The following NHERF1 variants were observed in gnomAD, a reference collection of about 807,000 sequenced individuals.
NHERF1 encodes the protein Na(+)/H(+) exchange regulatory cofactor NHE-RF1.
chr17:74,748,897 G>A, the NHERF1 span: 1 of 1,599,206 alleles, frequency 6.3e-7, no homozygotes, highest in Non-Finnish European at 8.5e-7. This position sits in a 1 kb window ranked among gnomAD's most constrained non-coding sequence, Gnocchi z 4.3. Flanking sequence ...TCTGCTGCCT[G>A]GAGAAGGGTC....
chr17:74,768,511 C>T, the NHERF1 span: 1 of 1,614,150 alleles, frequency 6.2e-7, no homozygotes, highest in Non-Finnish European at 8.5e-7. Flanking sequence ...TCCACAGCGC[C>T]CTCGTCTACC....
At chr17:74,766,770 T>A in the NHERF1 span, among the ~76,000 whole-genome samples, 92 of 152,238 alleles carry the variant, frequency 6.0e-4, no homozygotes, top group South Asian at 1.2e-3. Flanking sequence ...AAATTTTTTT[T>A]AAATAAATAA....
the NHERF1 span, among the ~76,000 whole-genome samples, chr17:74,754,613 G>T: frequency 6.6e-6 from 1 of 151,874 alleles, no homozygotes. Flanking sequence ...ACGGTGGCCA[G>T]GCTGGGTGGC....
chr17:74,767,047 G>A, the NHERF1 span: 6,933 of 1,462,632 alleles, frequency 4.7e-3, 32 homozygotes, highest in Non-Finnish European at 5.6e-3. Flanking sequence ...AAGGTGCTGT[G>A]GTTGGTAGGA....
chr17:74,762,810 G>A, the NHERF1 span, among the ~76,000 whole-genome samples: 127 of 152,230 alleles, frequency 8.3e-4, no homozygotes, highest in Non-Finnish European at 1.6e-3. This position sits in a 1 kb window ranked among gnomAD's most constrained non-coding sequence, Gnocchi z 4.2. Flanking sequence ...TGCCCGCCTC[G>A]GCCTCCCAAA....
the NHERF1 span, chr17:74,768,374 C>A: frequency 6.8e-7 from 1 of 1,468,904 alleles, no homozygotes; most frequent in Non-Finnish European, 9.5e-7. Flanking sequence ...CTTCCCTGGG[C>A]ACGGCCCCAA....
chr17:74,758,065 G>T, the NHERF1 span, among the ~76,000 whole-genome samples: 1 of 152,170 alleles, frequency 6.6e-6, no homozygotes, highest in Non-Finnish European at 1.5e-5. The surrounding 1 kb of genome is among the most constrained non-coding windows in gnomAD (Gnocchi z 4.3). Flanking sequence ...TGGGCCCAAT[G>T]GGGCGTTGGC....
chr17:74,751,911 C>T, the NHERF1 span, among the ~76,000 whole-genome samples: 3 of 152,214 alleles, frequency 2.0e-5, no homozygotes, highest in African/African-American at 7.2e-5. The surrounding 1 kb of genome is among the most constrained non-coding windows in gnomAD (Gnocchi z 4.3). Flanking sequence ...GCAGCTACCT[C>T]GGAATTGCAT....
At chr17:74,749,368 C>T in the NHERF1 span, 1 of 1,299,978 alleles carries the variant, frequency 7.7e-7, no homozygotes. This position sits in a 1 kb window ranked among gnomAD's most constrained non-coding sequence, Gnocchi z 5.6. Flanking sequence ...GCCGTCCAGC[C>T]CCGCGCCCGC....
At chr17:74,762,773 G>T in the NHERF1 span, among the ~76,000 whole-genome samples, 1 of 152,192 alleles carries the variant, frequency 6.6e-6, no homozygotes, top group East Asian at 1.9e-4. The surrounding 1 kb of genome is among the most constrained non-coding windows in gnomAD (Gnocchi z 4.2). Flanking sequence ...GGCCAGGCTG[G>T]TCTCAAACTC....
At chr17:74,748,798 C>G in the NHERF1 span, 2 of 1,498,408 alleles carry the variant, frequency 1.3e-6, no homozygotes, top group South Asian at 2.4e-5. This position sits in a 1 kb window ranked among gnomAD's most constrained non-coding sequence, Gnocchi z 4.3. Context: ...CGTCCCGTCC[C>G]GTCCCCATCG....
chr17:74,763,946 TC>T, the NHERF1 span, among the ~76,000 whole-genome samples: 39 of 152,214 alleles, frequency 2.6e-4, no homozygotes, highest in Middle Eastern at 6.8e-3. Context: ...GGCCGGTGCC[TC>T]CCCCTCCCTC....
the NHERF1 span, chr17:74,762,062 T>C: frequency 6.2e-7 from 1 of 1,614,162 alleles, no homozygotes; most frequent in Non-Finnish European, 8.5e-7. The surrounding 1 kb of genome is among the most constrained non-coding windows in gnomAD (Gnocchi z 4.2). Context: ...CCAGTGGCTA[T>C]GGCTTCAACC....
At chr17:74,759,122 T>G in the NHERF1 span, among the ~76,000 whole-genome samples, 1 of 152,186 alleles carries the variant, frequency 6.6e-6, no homozygotes, top group Admixed American at 6.5e-5. Context: ...AAGGAGGCTC[T>G]GCAGGTGCAT....
the NHERF1 span, among the ~76,000 whole-genome samples, chr17:74,767,187 G>A: frequency 6.6e-6 from 1 of 152,198 alleles, no homozygotes; most frequent in Non-Finnish European, 1.5e-5. Context: ...GAGCGGGCTG[G>A]CTGGGCCCCT....
At chr17:74,768,386 G>A in the NHERF1 span, 145 of 1,532,106 alleles carry the variant, frequency 9.5e-5, no homozygotes, top group South Asian at 2.7e-4. Context: ...CGGCCCCAAC[G>A]GAGCCACCTC....
At chr17:74,756,312 T>C in the NHERF1 span, among the ~76,000 whole-genome samples, 5 of 134,080 alleles carry the variant, frequency 3.7e-5, no homozygotes, top group African/African-American at 1.4e-4. Flanking sequence ...GGAGCCTTGC[T>C]CTATCACCCA....
chr17:74,752,835 G>A, the NHERF1 span, among the ~76,000 whole-genome samples: 2 of 152,156 alleles, frequency 1.3e-5, no homozygotes, highest in Non-Finnish European at 2.9e-5. Context: ...TCTCCACTAC[G>A]TGGTAAGCCC....
At chr17:74,754,127 G>A in the NHERF1 span, among the ~76,000 whole-genome samples, 6 of 152,022 alleles carry the variant, frequency 3.9e-5, no homozygotes, top group East Asian at 9.8e-4. Flanking sequence ...TCGCGCCACT[G>A]CACTCCAGCC....
Sources: gnomAD v4.1 joint callset for allele counts (sites outside exome capture counted in the v4.1 genomes callset) on GRCh38, gnomAD v4.1.1 for gene constraint, Gnocchi (gnomAD v3.1) non-coding constraint, MANE v1.5 for transcripts, NCBI Gene and HGNC (gene_info 2026-07-23, HGNC 2026-07-21) for gene names.